The following HERC2 variants were observed in gnomAD, a reference collection of about 807,000 sequenced individuals.
The protein encoded by HERC2 is HECT and RLD domain containing E3 ubiquitin protein ligase 2.
Under a neutral mutation model 537.7 loss-of-function variants are expected in HERC2, and 102 were observed. The observed-to-expected ratio is 0.19, with a 90% CI of 0.16 to 0.22. The LOEUF (loss-of-function observed/expected upper bound fraction) is 0.22, where lower values mean the gene tolerates loss of function less well. HERC2 is among the 10% of genes least tolerant of loss of function. HERC2 has a pLI of 1.00. For missense variants in HERC2, 4,236 were observed against 6,198.2 expected (o/e 0.68, Z 10.63); for synonymous variants, 2,224 against 2,466.2 (o/e 0.90, Z 2.91).
At position 28,122,285 on chromosome 15, in the gene HERC2, G is replaced by C. The variant is rs1420936960; in HGVS notation, c.13189-856C>G. ...AGGGCAGAGGATGCGGCACGCAGCC[G>C]TGCCAATGGAAAGGGATGAGACAGG... On this transcript the variant is annotated intron_variant, in intron 85 of 92. Transcript: ENST00000261609. The surrounding 1 kb of genome is among the most constrained non-coding windows in gnomAD (Gnocchi z 4.1). Among the ~76,000 whole-genome samples the C allele has an allele frequency of 6.6e-6, 1 of 152,234 alleles. No homozygotes were observed. Among genetic ancestry groups the C allele is most frequent in the Non-Finnish European group, 1.5e-5 (1 of 68,036 alleles).
chr15:28,159,254 T>A (rs963252490), intron 69 of HERC2, among the ~76,000 whole-genome samples: 2 of 152,210 alleles, frequency 1.3e-5, no homozygotes, highest in African/African-American at 2.4e-5. Context: ...TGTGGCATTC[T>A]CTGTACTTCC....
chr15:28,190,868 G>T, intron 55 of HERC2, 97 bp downstream of exon 55: 1 of 777,012 alleles, frequency 1.3e-6, no homozygotes, highest in Non-Finnish European at 2.3e-6. Context: ...TTATTTAAAC[G>T]GGGAAAAACT....
At chr15:28,187,372 C>T (rs1284549472) in intron 55 of HERC2, among the ~76,000 whole-genome samples, 1 of 150,910 alleles carries the variant, frequency 6.6e-6, no homozygotes, top group Non-Finnish European at 1.5e-5. Flanking sequence ...TTGCTTGTTG[C>T]CCAGGCTGGA....
chr15:28,306,135 G>A (rs552078772), intron 2 of HERC2, among the ~76,000 whole-genome samples: 42 of 152,300 alleles, frequency 2.8e-4, no homozygotes, highest in South Asian at 2.3e-3. Context: ...GTGGGCATCC[G>A]TGTCTTGTTC....
In HERC2 at chr15:28,304,702, A is replaced by ATTT. The variant is rs780900477; in HGVS notation, c.73-5189_73-5187dup. On this transcript the variant is annotated intron_variant, in intron 2 of 92. Transcript: ENST00000261609. Reference sequence around the variant, plus strand: ...TCTGACTCCTCTAGCAAGGGCTTCCATTTTTTTTTTTTTTTTTTTTTTTAT... The same window carrying ATTT: ...TCTGACTCCTCTAGCAAGGGCTTCCATTTTTTTTTTTTTTTTTTTTTTTTTTAT... 6.1e-3 allele frequency among the ~76,000 whole-genome samples: 664 copies of ATTT among 108,266 alleles called. 1 individual carries two copies. Among genetic ancestry groups the ATTT allele is most frequent in the African/African-American group, 0.021 (635 of 29,630 alleles). 71.0% of individuals were successfully genotyped at this position (108,266 alleles called of 152,430 possible). A position where few individuals can be genotyped will look rare whatever the true frequency, so the allele number is the denominator to read the frequency against.
chr15:28,280,369 C>G, intron 4 of HERC2, 82 bp from the exon 5 acceptor site: 1 of 1,147,100 alleles, frequency 8.7e-7, no homozygotes, highest in South Asian at 1.5e-5. Flanking sequence ...TGGATGATGA[C>G]GACAGGTAGT....
intron 23 of HERC2, among the ~76,000 whole-genome samples, chr15:28,244,998 A>G (rs1017879691): frequency 1.3e-5 from 2 of 152,174 alleles, no homozygotes; most frequent in Admixed American, 6.5e-5. Context: ...CATTGAGAAG[A>G]TAAGTCTCAT....
At chr15:28,115,061 A>C (rs1888065644) in intron 89 of HERC2, among the ~76,000 whole-genome samples, 1 of 151,726 alleles carries the variant, frequency 6.6e-6, no homozygotes, top group Non-Finnish European at 1.5e-5. Flanking sequence ...CTGGCTAGCA[A>C]GGGTTCCCTC....
At chr15:28,143,031 G>T in intron 74 of HERC2, 79 bp from the exon 75 acceptor site, 4 of 1,345,348 alleles carry the variant, frequency 3.0e-6, no homozygotes, top group African/African-American at 1.5e-5. Flanking sequence ...ACCGTCAAAT[G>T]TTTTATTATG....
At chr15:28,215,485 T>G in intron 39 of HERC2, 136 bp downstream of exon 39, 1 of 612,364 alleles carries the variant, frequency 1.6e-6, no homozygotes. Context: ...GCCCCTTGCC[T>G]CCAGAAAATC....
intron 69 of HERC2, among the ~76,000 whole-genome samples, chr15:28,161,002 T>G (rs1893538773): frequency 6.6e-6 from 1 of 152,234 alleles, no homozygotes; most frequent in Non-Finnish European, 1.5e-5. Context: ...TCTCTTAGAA[T>G]TATGCCAAGT....
intron 86 of HERC2, 87 bp downstream of exon 86, chr15:28,121,259 C>T (rs1262521709): frequency 8.5e-7 from 1 of 1,183,356 alleles, no homozygotes; most frequent in Non-Finnish European, 1.3e-6. Flanking sequence ...GGATGGCAGG[C>T]TACCAGCGCT....
At chr15:28,200,308 T>C (rs551636174) in intron 48 of HERC2, among the ~76,000 whole-genome samples, 49 of 152,084 alleles carry the variant, frequency 3.2e-4, no homozygotes, top group African/African-American at 1.2e-3. Flanking sequence ...GGCAGGAGAA[T>C]GGCATGAACC....
chr15:28,130,452 C>A, intron 82 of HERC2, 51 bp downstream of exon 82: 1 of 1,581,430 alleles, frequency 6.3e-7, no homozygotes, highest in Non-Finnish European at 8.7e-7. Context: ...GTGCACATAC[C>A]CCAATAAAAA....
At chr15:28,171,374 G>A (rs1246038958) in intron 65 of HERC2, among the ~76,000 whole-genome samples, 1 of 152,166 alleles carries the variant, frequency 6.6e-6, no homozygotes, top group Non-Finnish European at 1.5e-5. Flanking sequence ...GACATGAAAA[G>A]AGCTATACGT....
At chr15:28,266,871 T>C (rs1339685218) in intron 12 of HERC2, among the ~76,000 whole-genome samples, 1 of 152,068 alleles carries the variant, frequency 6.6e-6, no homozygotes, top group Non-Finnish European at 1.5e-5. Context: ...TCAAAACCCA[T>C]CCAACTCTAC....
Position 28,122,936 on chromosome 15 carries a change from G to C in HERC2, c.13188+1101C>G, listed in dbSNP as rs1311118281. On this transcript the variant is annotated intron_variant, in intron 85 of 92. Transcript: ENST00000261609. This position sits in a 1 kb window ranked among gnomAD's most constrained non-coding sequence, Gnocchi z 4.1. ...CTCTCACTTTTTTTCTCCCTACAAA[G>C]AAAGGTTTTTTTCCTCTGTGCTGCC... Among the ~76,000 whole-genome samples, 1 of 152,094 alleles carries C rather than the reference G, an allele frequency of 6.6e-6. No individual in the cohort carries two copies. Among genetic ancestry groups the C allele is most frequent in the African/African-American group, 2.4e-5 (1 of 41,416 alleles).
At chr15:28,135,290 G>A (rs1470418326) in intron 79 of HERC2, among the ~76,000 whole-genome samples, 188 bp downstream of exon 79, 1 of 152,094 alleles carries the variant, frequency 6.6e-6, no homozygotes, top group East Asian at 1.9e-4. Context: ...CTCAACAGAG[G>A]AATCATACGG....
intron 84 of HERC2, 52 bp downstream of exon 84, chr15:28,124,954 G>A: frequency 2.0e-6 from 3 of 1,522,982 alleles, no homozygotes; most frequent in Non-Finnish European, 2.7e-6. Context: ...TGCAGCATGT[G>A]ACAGGAGCAC....
Sources: allele counts gnomAD v4.1 joint callset (sites outside exome capture counted in the v4.1 genomes callset), GRCh38; gene constraint gnomAD v4.1.1; non-coding constraint Gnocchi (gnomAD v3.1); transcripts MANE v1.5; gene names NCBI Gene and HGNC (gene_info 2026-07-23, HGNC 2026-07-21).